PPP4R4: variants seen among roughly 807,000 people sequenced by gnomAD.
PPP4R4 encodes serine/threonine-protein phosphatase 4 regulatory subunit 4.
In PPP4R4, 70 loss-of-function variants were observed where a neutral mutation model predicts 121.8. That is an observed-to-expected ratio of 0.57 (90% confidence interval 0.47 to 0.70). The LOEUF (loss-of-function observed/expected upper bound fraction) is 0.70. Among genes scored for constraint, PPP4R4 ranks in the 30% least tolerant of loss-of-function variants. PPP4R4 has a pLI of 0.00. For missense variants in PPP4R4, 875 were observed against 1,033.6 expected (o/e 0.85, Z 2.10); for synonymous variants, 348 against 355.7 (o/e 0.98, Z 0.24).
Position 94,250,157 on chromosome 14 carries a change from AC to A in PPP4R4, c.1612-14del. 6.5e-7 allele frequency: 1 copy of A among 1,537,004 alleles called. No homozygotes were observed. Among genetic ancestry groups the A allele is most frequent in the Non-Finnish European group, 9.0e-7 (1 of 1,110,476 alleles). On this transcript the variant is annotated splice_polypyrimidine_tract_variant and intron_variant, in intron 14 of 24. Coordinates refer to ENST00000304338, the MANE Select transcript of PPP4R4 (RefSeq NM_058237.2). ...TTAGCCTAGTGTAACTGTCTGTCTT[AC>A]TTACTTCTTCAAGAATGTTTTACCT...
chr14:94,250,424 A>C lies in PPP4R4; in HGVS notation c.1717+147A>C, dbSNP rs562699256. The C allele has an allele frequency of 4.3e-4, 258 of 595,784 alleles. 1 individual carries two copies. In the South Asian group the frequency reaches 4.8e-3, roughly 11 times the overall value. 36.9% of individuals were successfully genotyped at this position (595,784 alleles called of 1,614,324 possible). ...TGATTTTTATTTTCTAGAAATCCTTATGGCAAGATTAGATCTGTGATGAAT... is the reference window on the plus strand; with the variant it reads ...TGATTTTTATTTTCTAGAAATCCTTCTGGCAAGATTAGATCTGTGATGAAT... On this transcript the variant is annotated intron_variant, in intron 15 of 24. Transcript: ENST00000304338.
In PPP4R4 at chr14:94,265,320, T is replaced by C. The variant is rs1006246739; in HGVS notation, c.2198-67T>C. ...GTGATTCATATTGTCTGAGTTGTCT[T>C]GTGTATTTATGGAGATTAATAAGGA... On this transcript the variant is annotated intron_variant, in intron 20 of 24. Transcript: ENST00000304338. 7.0e-6 allele frequency: 8 copies of C among 1,143,736 alleles called. No homozygotes were observed. In the Admixed American group the frequency reaches 1.4e-4, roughly 21 times the overall value. 70.8% of individuals were successfully genotyped at this position (1,143,736 alleles called of 1,614,324 possible).
At chr14:94,201,931 T>A (rs1401114577) in intron 2 of PPP4R4, among the ~76,000 whole-genome samples, 1 of 147,974 alleles carries the variant, frequency 6.8e-6, no homozygotes, top group Non-Finnish European at 1.5e-5. Context: ...AAAATGTGTG[T>A]GTGTATATAT....
At chr14:94,219,832 C>T (rs1360868978) in intron 3 of PPP4R4, among the ~76,000 whole-genome samples, 1 of 152,106 alleles carries the variant, frequency 6.6e-6, no homozygotes, top group Non-Finnish European at 1.5e-5. Context: ...TGTGATGACA[C>T]ACACCTGTAA....
chr14:94,192,988 C>T (rs1295055353), intron 2 of PPP4R4, among the ~76,000 whole-genome samples: 1 of 152,090 alleles, frequency 6.6e-6, no homozygotes, highest in Non-Finnish European at 1.5e-5. Flanking sequence ...TGGAGGAGGG[C>T]AAGGATTTCA....
chr14:94,207,691 T>G (rs2086657778), intron 2 of PPP4R4, among the ~76,000 whole-genome samples: 1 of 151,606 alleles, frequency 6.6e-6, no homozygotes, highest in Admixed American at 6.6e-5. Context: ...TTTTGATATA[T>G]ATATCTATAT....
At chr14:94,227,742 A>G (rs1258248597) in intron 3 of PPP4R4, 2 of 1,003,556 alleles carry the variant, frequency 2.0e-6, no homozygotes, top group Admixed American at 1.2e-4. Context: ...TTGGAAGTTA[A>G]CAGACTCATG....
chr14:94,269,714 G>A (rs1894227936), intron 23 of PPP4R4, among the ~76,000 whole-genome samples: 1 of 151,736 alleles, frequency 6.6e-6, no homozygotes, highest in Admixed American at 6.6e-5. Flanking sequence ...TGTAAGGAAA[G>A]GTCAGAGTCA....
At chr14:94,267,346 TA>T (rs2139649513) in intron 23 of PPP4R4, among the ~76,000 whole-genome samples, 1 of 152,288 alleles carries the variant, frequency 6.6e-6, no homozygotes, top group East Asian at 1.9e-4. Context: ...TTAGGGAAGT[TA>T]AAAACAACAG....
chr14:94,247,571 C>T (rs1034675552), intron 14 of PPP4R4, among the ~76,000 whole-genome samples: 1 of 152,172 alleles, frequency 6.6e-6, no homozygotes, highest in East Asian at 1.9e-4. Context: ...TCTACAAAGC[C>T]ACCATCACCC....
intron 2 of PPP4R4, among the ~76,000 whole-genome samples, chr14:94,186,740 T>TA (rs766854757): frequency 6.6e-6 from 1 of 152,202 alleles, no homozygotes; most frequent in African/African-American, 2.4e-5. Flanking sequence ...AGTTGCTCCT[T>TA]ATACTCTATA....
At chr14:94,225,773 A>G (rs1891664260) in intron 3 of PPP4R4, among the ~76,000 whole-genome samples, 1 of 152,166 alleles carries the variant, frequency 6.6e-6, no homozygotes, top group Non-Finnish European at 1.5e-5. Context: ...TTAAAATGAT[A>G]TTATCTTCAG....
At chr14:94,200,440 T>C (rs1390571956) in intron 2 of PPP4R4, among the ~76,000 whole-genome samples, 1 of 152,252 alleles carries the variant, frequency 6.6e-6, no homozygotes, top group Non-Finnish European at 1.5e-5. Flanking sequence ...TCTGATAGAA[T>C]TCAGCTGTGA....
intron 13 of PPP4R4, among the ~76,000 whole-genome samples, 156 bp downstream of exon 13, chr14:94,245,826 G>T (rs2139582797): frequency 6.6e-6 from 1 of 152,278 alleles, no homozygotes; most frequent in South Asian, 2.1e-4. Context: ...AGTTTGAACA[G>T]CTTGAATTTC....
At chr14:94,214,451 A>G (rs1447949621) in intron 3 of PPP4R4, among the ~76,000 whole-genome samples, 1 of 151,960 alleles carries the variant, frequency 6.6e-6, no homozygotes, top group Non-Finnish European at 1.5e-5. Context: ...GCTGCAGTGA[A>G]TAGTTACTGA....
At chr14:94,189,247 T>C (rs988394939) in intron 2 of PPP4R4, among the ~76,000 whole-genome samples, 2 of 152,226 alleles carry the variant, frequency 1.3e-5, no homozygotes, top group South Asian at 2.1e-4. Flanking sequence ...TCTGTAGATG[T>C]TGGTTTCTTC....
At chr14:94,259,272 A>G in intron 18 of PPP4R4, 23 bp from the exon 19 acceptor site, 2 of 1,590,656 alleles carry the variant, frequency 1.3e-6, no homozygotes, top group Non-Finnish European at 1.7e-6. Flanking sequence ...ATGTTTCACA[A>G]TTTCATTTTA....
intron 2 of PPP4R4, among the ~76,000 whole-genome samples, chr14:94,199,298 G>A (rs1890042970): frequency 6.6e-6 from 1 of 152,252 alleles, no homozygotes; most frequent in Admixed American, 6.5e-5. Flanking sequence ...TGCAGTGGGG[G>A]AGTGGCGTGC....
chr14:94,180,613 T>C (rs1023936306), intron 2 of PPP4R4, among the ~76,000 whole-genome samples: 2 of 136,556 alleles, frequency 1.5e-5, no homozygotes, highest in Non-Finnish European at 3.1e-5. Flanking sequence ...TTTTTTTTTT[T>C]CTTTTTTCTT....
Sources: gnomAD v4.1 joint callset for allele counts (sites outside exome capture counted in the v4.1 genomes callset) on GRCh38, gnomAD v4.1.1 for gene constraint, MANE v1.5 for transcripts, NCBI Gene and HGNC (gene_info 2026-07-23, HGNC 2026-07-21) for gene names.